Variants in OVCH1 observed in about 807,000 individuals in gnomAD.
OVCH1 encodes the protein ovochymase-1.
A neutral mutation model predicts 138.4 loss-of-function variants in OVCH1; 139 were observed. That is an observed-to-expected ratio of 1.00 (90% confidence interval 0.87 to 1.16). The LOEUF (loss-of-function observed/expected upper bound fraction) is 1.16. OVCH1 is among the 50% of genes most tolerant of loss of function. The probability of loss-of-function intolerance (pLI) is 0.00; values close to 1 mark genes in which losing one functional copy is unlikely to be tolerated. For synonymous variants in OVCH1, 453 were observed against 467.8 expected (o/e 0.97, Z 0.41); for missense variants, 1,367 against 1,357.9 (o/e 1.01, Z -0.11).
At chr12:29,495,183 C>T in intron 4 of OVCH1, 102 bp downstream of exon 4, 2 of 1,123,170 alleles carry the variant, frequency 1.8e-6, no homozygotes, top group Non-Finnish European at 1.3e-6. Flanking sequence ...CAAAGCTTAG[C>T]TATTCTATTA....
chr12:29,434,090 C>T (rs75474305), intron 26 of OVCH1, among the ~76,000 whole-genome samples: 1,553 of 152,174 alleles, frequency 0.01, 24 homozygotes, highest in African/African-American at 0.036. Context: ...TGCCTTTGCT[C>T]AAACCACAGG....
At chr12:29,495,069 GTTGA>G (rs1466206794) in intron 4 of OVCH1, among the ~76,000 whole-genome samples, 2 of 152,174 alleles carry the variant, frequency 1.3e-5, no homozygotes, top group South Asian at 2.1e-4. Context: ...GGGAAAAAAT[GTTGA>G]TTGTTAGGTT....
chr12:29,465,067 A>G (rs1006058637), intron 17 of OVCH1, 80 bp downstream of exon 17: 45 of 1,200,034 alleles, frequency 3.7e-5, no homozygotes, highest in Non-Finnish European at 3.5e-5. Flanking sequence ...AACTAATTAC[A>G]TATTTTAGCT....
chr12:29,495,254 C>CAAA (rs1031521311), intron 4 of OVCH1, 31 bp downstream of exon 4: 12 of 1,579,332 alleles, frequency 7.6e-6, no homozygotes, highest in African/African-American at 2.7e-5. Context: ...TCCTCCACTG[C>CAAA]ATTTTTAATA....
intron 25 of OVCH1, chr12:29,440,726 A>C (rs1402770766): frequency 2.2e-6 from 1 of 455,880 alleles, no homozygotes; most frequent in East Asian, 6.9e-5. Context: ...AAGAAAGCTC[A>C]GTGCTCATCA....
the OVCH1 span, among the ~76,000 whole-genome samples, chr12:29,405,409 G>A: frequency 1.3e-5 from 2 of 152,168 alleles, no homozygotes; most frequent in South Asian, 4.2e-4. Flanking sequence ...CCATACCCTG[G>A]TAGCTTTGCC....
chr12:29,413,007 A>G (rs538763717), intron 3 of OVCH1, among the ~76,000 whole-genome samples: 2 of 148,520 alleles, frequency 1.3e-5, no homozygotes, highest in African/African-American at 2.5e-5. Flanking sequence ...GGCATGCACT[A>G]TCACATCCAG....
At chr12:29,453,481 C>T (rs1293856623) in intron 21 of OVCH1, among the ~76,000 whole-genome samples, 1 of 152,078 alleles carries the variant, frequency 6.6e-6, no homozygotes, top group Non-Finnish European at 1.5e-5. Flanking sequence ...TGGTCAGCCC[C>T]TAGACACTTG....
chr12:29,417,276 A>G (rs551643029), intron 3 of OVCH1, among the ~76,000 whole-genome samples: 3 of 152,192 alleles, frequency 2.0e-5, no homozygotes, highest in African/African-American at 7.2e-5. Context: ...AACCTGACCA[A>G]TATGGTGAAA....
Position 29,445,417 on chromosome 12 carries a change from TG to T in OVCH1, c.2756-15del. The T allele has an allele frequency of 6.3e-7, 1 of 1,591,916 alleles. No homozygotes were observed. Among genetic ancestry groups the T allele is most frequent in the Non-Finnish European group, 8.5e-7 (1 of 1,170,440 alleles). On this transcript the variant is annotated splice_polypyrimidine_tract_variant and intron_variant, in intron 22 of 27. Coordinates refer to ENST00000318184, the Ensembl canonical transcript of OVCH1. ...CATGTAATCCACCTAGGTTAAAAAG[TG>T]AACTCTAGTAAAAAATAAGAATGAA...
downstream of OVCH1, among the ~76,000 whole-genome samples, chr12:29,408,368 A>G (rs28844726): frequency 0.28 from 29,244 of 105,892 alleles, 7,600 homozygotes; most frequent in Admixed American, 0.46. Context: ...GTGAGAGAGG[A>G]CATCCCTGTC....
chr12:29,441,994 A>C (rs1467455855), intron 25 of OVCH1, among the ~76,000 whole-genome samples: 1 of 151,904 alleles, frequency 6.6e-6, no homozygotes, highest in African/African-American at 2.4e-5. Context: ...GAGGATGTGG[A>C]GAAATAGGAA....
chr12:29,486,462 A>G (rs1943110352), intron 7 of OVCH1, 114 bp from the exon 8 acceptor site: 2 of 803,616 alleles, frequency 2.5e-6, no homozygotes, highest in Non-Finnish European at 1.9e-6. Context: ...ACTAAAATCA[A>G]TGCAGAGGGA....
intron 1 of OVCH1, 98 bp from the exon 2 acceptor site, chr12:29,496,772 C>A (rs764028156): frequency 2.4e-6 from 2 of 825,154 alleles, no homozygotes; most frequent in Non-Finnish European, 3.9e-6. Flanking sequence ...CTGGCACAGA[C>A]ATTCTGATAG....
chr12:29,413,681 C>CAG (rs1363824793), intron 3 of OVCH1, among the ~76,000 whole-genome samples: 1 of 152,034 alleles, frequency 6.6e-6, no homozygotes, highest in Non-Finnish European at 1.5e-5. Flanking sequence ...CACACACACA[C>CAG]ACACACACAT....
intron 25 of OVCH1, among the ~76,000 whole-genome samples, chr12:29,440,071 G>A (rs1205889464): frequency 2.0e-5 from 3 of 152,122 alleles, no homozygotes; most frequent in African/African-American, 7.2e-5. Flanking sequence ...CACATCATTG[G>A]CAATTGCTGA....
At chr12:29,486,400 A>G in intron 7 of OVCH1, 52 bp from the exon 8 acceptor site, 2 of 1,371,566 alleles carry the variant, frequency 1.5e-6, no homozygotes, top group Non-Finnish European at 2.0e-6. Context: ...TCATTTAAAT[A>G]AAACATTTTT....
intron 3 of OVCH1, among the ~76,000 whole-genome samples, chr12:29,417,791 G>GTGTGTGTGTC (rs1555140780): frequency 7.2e-6 from 1 of 139,398 alleles, no homozygotes; most frequent in African/African-American, 2.5e-5. Context: ...GTGTGTGTGT[G>GTGTGTGTGTC]TGTCTGTGTC....
chr12:29,471,014 CTTTT>C (rs1565594384), intron 16 of OVCH1, among the ~76,000 whole-genome samples: 1 of 151,978 alleles, frequency 6.6e-6, no homozygotes, highest in Non-Finnish European at 1.5e-5. Context: ...ACATAAATGT[CTTTT>C]TTGAGAAGTG....
Sources: gnomAD v4.1 joint callset for allele counts (sites outside exome capture counted in the v4.1 genomes callset) on GRCh38, gnomAD v4.1.1 for gene constraint, MANE v1.5 for transcripts, NCBI Gene and HGNC (gene_info 2026-07-23, HGNC 2026-07-21) for gene names.